The following POTEG variants were observed in gnomAD, a reference collection of about 807,000 sequenced individuals.
The protein encoded by POTEG is ANKRD26-like family C member 2.
POTEG carries 2 observed loss-of-function variants against 49.6 expected under a neutral mutation model. That is an observed-to-expected ratio of 0.04 (90% confidence interval 0.02 to 0.13). The LOEUF is 0.13. Among genes scored for constraint, POTEG ranks in the 10% least tolerant of loss-of-function variants. The pLI is 1.00. For synonymous variants in POTEG, 7 were observed against 186.6 expected (o/e 0.04, Z 7.84); for missense variants, 26 against 545.2 (o/e 0.05, Z 9.48).
chr14:19,414,817 C>A (rs1430354442), intron 7 of POTEG, among the ~76,000 whole-genome samples: 1 of 138,750 alleles, frequency 7.2e-6, no homozygotes, highest in East Asian at 2.0e-4. Context: ...TGCCACATCA[C>A]TGGCTTCTAA....
At chr14:19,432,390 A>ATATATACACGTG (rs1884176410) in intron 1 of POTEG, among the ~76,000 whole-genome samples, 1 of 77,440 alleles carries the variant, frequency 1.3e-5, no homozygotes, top group Non-Finnish European at 2.8e-5. Flanking sequence ...ATATATATAT[A>ATATATACACGTG]TATATATATA....
intron 8 of POTEG, among the ~76,000 whole-genome samples, chr14:19,413,778 C>CAAAAAA: frequency 1.2e-5 from 1 of 80,224 alleles, no homozygotes; most frequent in Non-Finnish European, 2.4e-5. Context: ...TTCCAAAATT[C>CAAAAAA]AAAAAGGGCC....
intron 9 of POTEG, among the ~76,000 whole-genome samples, chr14:19,408,389 AAG>A: frequency 8.2e-6 from 1 of 121,436 alleles, no homozygotes; most frequent in Non-Finnish European, 1.7e-5. Flanking sequence ...TTGCTTCTGA[AAG>A]ACAGCCAAGC....
intron 6 of POTEG, among the ~76,000 whole-genome samples, chr14:19,419,957 G>A (rs542012171): frequency 0.014 from 2,048 of 142,500 alleles, 140 homozygotes; most frequent in African/African-American, 0.055. Flanking sequence ...AGTCTATCAT[G>A]AACTTGCCTT....
chr14:19,419,084 C>A (rs1883661432), intron 6 of POTEG, among the ~76,000 whole-genome samples: 1 of 83,452 alleles, frequency 1.2e-5, no homozygotes, highest in Non-Finnish European at 2.1e-5. Flanking sequence ...TCACTATGGA[C>A]AGGTGAAAAC....
intron 1 of POTEG, among the ~76,000 whole-genome samples, chr14:19,432,366 GTATATATATATATATATATA>G (rs58599371): frequency 2.6e-5 from 1 of 37,874 alleles, no homozygotes; most frequent in Non-Finnish European, 4.6e-5. Flanking sequence ...AAGAAATTTT[GTATATATATATATATATATA>G]TATATATATA....
chr14:19,430,735 A>T (rs1884102059), intron 1 of POTEG, among the ~76,000 whole-genome samples: 2 of 125,452 alleles, frequency 1.6e-5, no homozygotes, highest in South Asian at 2.4e-4. Flanking sequence ...ATATTTTTAA[A>T]GAAAACTCCT....
rs1238971541 is a variant in POTEG at position 19,432,422 on chromosome 14, ATG to A, written c.521+1345_521+1346del. Among the ~76,000 whole-genome samples, 24 of 92,416 alleles carry A rather than the reference ATG, an allele frequency of 2.6e-4. 1 individual carries two copies. The highest frequency in any genetic ancestry group is 9.4e-4 in the African/African-American group (23 of 24,470). 60.6% of individuals were successfully genotyped at this position (92,416 alleles called of 152,430 possible). A position where few individuals can be genotyped will look rare whatever the true frequency, so the allele number is the denominator to read the frequency against. On this transcript the variant is annotated intron_variant, in intron 1 of 10. Coordinates refer to ENST00000547848, the MANE Select transcript of POTEG (RefSeq NM_001005356.3). ...TATATATACACACACATGTATATATATGTATATACGTATATATATATATACAT... is the reference window on the plus strand; with the variant it reads ...TATATATACACACACATGTATATATATATATACGTATATATATATATACAT...
At chr14:19,421,118 T>TGAACC (rs1172287388) in intron 6 of POTEG, 2 of 49,950 alleles carry the variant, frequency 4.0e-5, no homozygotes, top group Non-Finnish European at 7.2e-5. Flanking sequence ...CGGACTATTA[T>TGAACC]GAACCACACC....
Position 19,425,525 on chromosome 14 carries a change from A to C in POTEG, c.917+81T>G. ...TACTGATCACTATATCCCAATAAGT[A>C]TACATTAATCTTATTTAATATTTAT... On this transcript the variant is annotated intron_variant, in intron 4 of 10. Coordinates refer to ENST00000547848, the MANE Select transcript of POTEG (RefSeq NM_001005356.3). 2 of 542,102 alleles carry C rather than the reference A, an allele frequency of 3.7e-6. 1 individual carries two copies. The highest frequency in any genetic ancestry group is 5.5e-6 in the Non-Finnish European group (2 of 363,244). The allele number at this position is 542,102 out of a possible 1,614,324, so 33.6% of individuals were successfully genotyped here.
intron 4 of POTEG, among the ~76,000 whole-genome samples, 166 bp downstream of exon 4, chr14:19,425,440 T>A (rs1883911583): frequency 1.6e-5 from 1 of 60,834 alleles, no homozygotes; most frequent in Non-Finnish European, 4.3e-5. Flanking sequence ...TGAATCCTAC[T>A]AAAACTTTTA....
chr14:19,413,902 C>T (rs1443801334), intron 8 of POTEG, among the ~76,000 whole-genome samples: 12 of 23,416 alleles, frequency 5.1e-4, no homozygotes, highest in African/African-American at 2.1e-3. Flanking sequence ...AAAAATGTGT[C>T]TTCATCCCTC....
chr14:19,426,260 ATTG>A (rs1228534590), intron 3 of POTEG, among the ~76,000 whole-genome samples: 1 of 151,600 alleles, frequency 6.6e-6, no homozygotes, highest in African/African-American at 2.4e-5. Context: ...ATTTTCCCAG[ATTG>A]TTACTAAATA....
At chr14:19,421,419 TG>T in intron 6 of POTEG, 1 of 723,292 alleles carries the variant, frequency 1.4e-6, no homozygotes, top group Non-Finnish European at 2.1e-6. Context: ...TTCTACATTA[TG>T]GTAAGTTGTA....
At chr14:19,419,938 G>C (rs1883688232) in intron 6 of POTEG, among the ~76,000 whole-genome samples, 1 of 143,636 alleles carries the variant, frequency 7.0e-6, no homozygotes, top group African/African-American at 2.8e-5. Flanking sequence ...CATTTCTATA[G>C]TATTAAAAAG....
At chr14:19,426,257 C>A (rs1883939981) in intron 3 of POTEG, among the ~76,000 whole-genome samples, 1 of 151,436 alleles carries the variant, frequency 6.6e-6, no homozygotes, top group Non-Finnish European at 1.5e-5. Context: ...TTAATTTTCC[C>A]AGATTGTTAC....
chr14:19,425,556 G>C (rs1281760432), intron 4 of POTEG, 50 bp downstream of exon 4: 2 of 683,134 alleles, frequency 2.9e-6, no homozygotes, highest in Non-Finnish European at 4.2e-6. Flanking sequence ...TTTATGACTT[G>C]AGTGACTGCT....
chr14:19,432,435 TATATATATATAC>T (rs1291466458), intron 1 of POTEG, among the ~76,000 whole-genome samples: 99 of 44,328 alleles, frequency 2.2e-3, no homozygotes, highest in African/African-American at 8.7e-3. Flanking sequence ...TATATACGTA[TATATATATATAC>T]ATATATATAT....
intron 3 of POTEG, among the ~76,000 whole-genome samples, chr14:19,426,344 T>C (rs1328881826): frequency 6.9e-6 from 1 of 145,738 alleles, no homozygotes; most frequent in Non-Finnish European, 1.5e-5. Context: ...TCCATGGTTT[T>C]AAGTGTGTAA....
Sources: allele counts gnomAD v4.1 joint callset (sites outside exome capture counted in the v4.1 genomes callset), GRCh38; gene constraint gnomAD v4.1.1; transcripts MANE v1.5; gene names NCBI Gene and HGNC (gene_info 2026-07-23, HGNC 2026-07-21).